Variants in FUT8 observed in about 807,000 individuals in gnomAD.
FUT8 encodes alpha-(1,6)-fucosyltransferase.
In FUT8, 29 loss-of-function variants were observed where a neutral mutation model predicts 71.3. The observed-to-expected ratio is 0.41, with a 90% CI of 0.30 to 0.55. FUT8 has a LOEUF of 0.55. Ranked by LOEUF, FUT8 falls within the 20% of genes least tolerant of loss-of-function variation. FUT8 has a pLI of 0.34. For synonymous variants in FUT8, 254 were observed against 239.3 expected (o/e 1.06, Z -0.57); for missense variants, 544 against 702.1 (o/e 0.77, Z 2.55).
intron 2 of FUT8, among the ~76,000 whole-genome samples, chr14:65,544,449 GCA>G (rs548271406): frequency 6.6e-6 from 1 of 151,628 alleles, no homozygotes; most frequent in African/African-American, 2.4e-5. Flanking sequence ...TTATTTATGT[GCA>G]CACACACACA....
chr14:65,563,946 A>G (rs1454224215), intron 3 of FUT8, among the ~76,000 whole-genome samples: 17 of 152,106 alleles, frequency 1.1e-4, no homozygotes, highest in Admixed American at 1.1e-3. Flanking sequence ...CCATGTAATT[A>G]CAGTCTGAAA....
intron 9 of FUT8, among the ~76,000 whole-genome samples, chr14:65,726,976 T>C (rs995364319): frequency 2.0e-5 from 3 of 152,180 alleles, no homozygotes; most frequent in Admixed American, 1.3e-4. Context: ...GGCAGTCGAA[T>C]GTTAAAGCTT....
At chr14:65,535,227 G>A (rs1884227092) in intron 2 of FUT8, among the ~76,000 whole-genome samples, 1 of 151,906 alleles carries the variant, frequency 6.6e-6, no homozygotes, top group Admixed American at 6.6e-5. Context: ...AGCGTCATGA[G>A]TAGCTAGGAT....
At chr14:65,724,409 G>T (rs185729008) in intron 9 of FUT8, 86 bp downstream of exon 9, 3 of 794,260 alleles carry the variant, frequency 3.8e-6, no homozygotes, top group East Asian at 2.8e-5. Context: ...TGTGATTTTT[G>T]TATATTATTA....
chr14:65,532,940 G>A (rs1354306065), intron 2 of FUT8, among the ~76,000 whole-genome samples: 1 of 152,152 alleles, frequency 6.6e-6, no homozygotes, highest in Admixed American at 6.5e-5. Flanking sequence ...AGATCAGATG[G>A]TTGTAGATAT....
intron 7 of FUT8, among the ~76,000 whole-genome samples, chr14:65,721,311 A>G (rs1209404078): frequency 6.6e-6 from 1 of 152,146 alleles, no homozygotes; most frequent in African/African-American, 2.4e-5. Flanking sequence ...TTGGCTTATA[A>G]TTATAATCTT....
chr14:65,629,612 A>T lies in FUT8; in HGVS notation c.597+6A>T. Reference sequence around the variant, plus strand: ...GGAGAATAACATATCTTCAGGTAAGAAGGTTGGGTTAAGAATAAATTTGAG... The same window carrying T: ...GGAGAATAACATATCTTCAGGTAAGTAGGTTGGGTTAAGAATAAATTTGAG... On this transcript the variant is annotated splice_donor_region_variant and intron_variant, in intron 6 of 10. Transcript: ENST00000673929. 6.3e-7 allele frequency: 1 copy of T among 1,584,090 alleles called. No homozygotes were observed.
intron 3 of FUT8, among the ~76,000 whole-genome samples, chr14:65,577,116 C>T (rs552215469): frequency 6.6e-6 from 1 of 152,200 alleles, no homozygotes; most frequent in East Asian, 1.9e-4. Context: ...TTCCAAAGTG[C>T]TGGGATTACA....
At chr14:65,498,753 A>G (rs552896108) in intron 2 of FUT8, among the ~76,000 whole-genome samples, 41 of 152,260 alleles carry the variant, frequency 2.7e-4, no homozygotes, top group African/African-American at 4.8e-4. Context: ...GTTTTCCTCA[A>G]TATTTTCAGA....
chr14:65,504,839 C>T (rs1255752771), intron 2 of FUT8, among the ~76,000 whole-genome samples: 1 of 152,112 alleles, frequency 6.6e-6, no homozygotes, highest in Non-Finnish European at 1.5e-5. Context: ...TAGGTGTGAG[C>T]CACTGTGCAG....
intron 7 of FUT8, among the ~76,000 whole-genome samples, chr14:65,692,626 C>T (rs534827248): frequency 4.9e-4 from 74 of 151,602 alleles, no homozygotes; most frequent in East Asian, 2.2e-3. Flanking sequence ...ACCCCCCTCC[C>T]AGACGGGGTG....
chr14:65,733,103 C>G (rs774958024), intron 9 of FUT8, 128 bp from the exon 10 acceptor site: 2 of 546,960 alleles, frequency 3.7e-6, no homozygotes, highest in Non-Finnish European at 6.3e-6. Context: ...GTCTCATCAA[C>G]TACAGTATTA....
intron 10 of FUT8, among the ~76,000 whole-genome samples, chr14:65,739,323 TA>T (rs906853800): frequency 6.6e-6 from 1 of 152,094 alleles, no homozygotes; most frequent in African/African-American, 2.4e-5. Flanking sequence ...GTCATTTTTA[TA>T]ATGGGCCACC....
chr14:65,688,372 T>C (rs941922843), intron 7 of FUT8, among the ~76,000 whole-genome samples: 4 of 151,570 alleles, frequency 2.6e-5, no homozygotes, highest in Non-Finnish European at 5.9e-5. Flanking sequence ...CTGGCTTTTG[T>C]TTTTTTTAAG....
intron 3 of FUT8, among the ~76,000 whole-genome samples, chr14:65,600,102 C>T (rs907763009): frequency 3.9e-5 from 6 of 152,110 alleles, no homozygotes; most frequent in Non-Finnish European, 7.4e-5. Context: ...GCCAAGTAAA[C>T]GTAGAATAAT....
intron 7 of FUT8, among the ~76,000 whole-genome samples, chr14:65,715,665 C>A (rs373537445): frequency 1.3e-5 from 2 of 152,058 alleles, no homozygotes; most frequent in African/African-American, 2.4e-5. Context: ...TTTCCATGAT[C>A]GTTTGTTTCA....
At chr14:65,650,695 T>G (rs550483903) in intron 6 of FUT8, among the ~76,000 whole-genome samples, 2 of 127,248 alleles carry the variant, frequency 1.6e-5, no homozygotes, top group East Asian at 4.4e-4. Flanking sequence ...TCACTGTAAT[T>G]CCTGCTAATT....
At position 65,658,235 on chromosome 14, in the gene FUT8, G is replaced by A. The variant is rs756140330; in HGVS notation, c.598-11008G>A. Among the ~76,000 whole-genome samples the A allele has an allele frequency of 7.9e-5, 12 of 152,190 alleles. No individual in the cohort carries two copies. In the Middle Eastern group the frequency reaches 0.01, roughly 129 times the overall value. ...TGTTAAAAAATCATTAGTTATTAGG[G>A]AAATGCAAAAGACATGATGAGATAC... is the stretch of plus-strand genomic sequence containing the variant. On this transcript the variant is annotated intron_variant, in intron 6 of 10. Coordinates refer to ENST00000673929, the MANE Select transcript of FUT8 (RefSeq NM_001371533.1).
chr14:65,657,184 C>T (rs768134097), intron 6 of FUT8, among the ~76,000 whole-genome samples: 30 of 152,128 alleles, frequency 2.0e-4, no homozygotes, highest in Non-Finnish European at 4.1e-4. Context: ...CTTCTGCCTG[C>T]ACAGCAAAGG....
Sources: gnomAD v4.1 joint callset for allele counts (sites outside exome capture counted in the v4.1 genomes callset) on GRCh38, gnomAD v4.1.1 for gene constraint, MANE v1.5 for transcripts, NCBI Gene and HGNC (gene_info 2026-07-23, HGNC 2026-07-21) for gene names.